Variants in HYDIN observed in about 807,000 individuals in gnomAD.
HYDIN encodes the protein axonemal central pair apparatus protein HYDIN.
A neutral mutation model predicts 403.9 loss-of-function variants in HYDIN; 132 were observed. The observed-to-expected ratio is 0.33, with a 90% confidence interval of 0.28 to 0.38. The LOEUF is 0.38. Among genes scored for constraint, HYDIN ranks in the 10% least tolerant of loss-of-function variants. The probability of loss-of-function intolerance (pLI) is 1.00; values close to 1 mark genes in which losing one functional copy is unlikely to be tolerated. For synonymous variants in HYDIN, 1,202 were observed against 1,891.7 expected (o/e 0.64, Z 9.46); for missense variants, 2,827 against 5,009.5 (o/e 0.56, Z 13.15).
At chr16:71,056,594 C>T (rs2081904786) in intron 18 of HYDIN, among the ~76,000 whole-genome samples, 1 of 152,100 alleles carries the variant, frequency 6.6e-6, no homozygotes, top group Non-Finnish European at 1.5e-5. Context: ...TGTGGCCGCA[C>T]ATGAGGCTGA....
At chr16:70,819,909 G>A (rs2036120349) in intron 83 of HYDIN, among the ~76,000 whole-genome samples, 1 of 150,812 alleles carries the variant, frequency 6.6e-6, no homozygotes. Flanking sequence ...CCGGGTTCAC[G>A]CCATTCTCCT....
chr16:71,181,318 T>A (rs756907487), intron 3 of HYDIN, among the ~76,000 whole-genome samples: 3 of 151,970 alleles, frequency 2.0e-5, no homozygotes, highest in Non-Finnish European at 4.4e-5. Context: ...GGATTTGCTA[T>A]ATCAGGTAGC....
rs112172954 is a variant in HYDIN, at chr16:70,962,366, A to G, written c.5789-228T>C. 5.3e-3 allele frequency among the ~76,000 whole-genome samples: 800 copies of G among 151,094 alleles called. 10 individuals are homozygous for G. The highest frequency in any genetic ancestry group is 0.018 in the African/African-American group (763 of 41,250). ...TAACATTTGTTTAGCAACTAAAATTATACATTTGCTTAGAAAATGTGGAAA... is the reference window on the plus strand; with the variant it reads ...TAACATTTGTTTAGCAACTAAAATTGTACATTTGCTTAGAAAATGTGGAAA... On this transcript the variant is annotated intron_variant, in intron 37 of 85. Transcript: ENST00000393567.
intron 10 of HYDIN, among the ~76,000 whole-genome samples, chr16:71,110,773 A>T (rs1238749076): frequency 7.1e-6 from 1 of 141,300 alleles, no homozygotes; most frequent in Non-Finnish European, 1.5e-5. Flanking sequence ...GAAAAAAGTG[A>T]CTGCATAGAT....
intron 1 of HYDIN, among the ~76,000 whole-genome samples, chr16:71,200,821 A>T (rs1345560660): frequency 6.6e-6 from 1 of 152,164 alleles, no homozygotes; most frequent in East Asian, 1.9e-4. Flanking sequence ...GAAACTCACT[A>T]TCATGAACAC....
chr16:70,967,208 C>T (rs1202891411), intron 36 of HYDIN, among the ~76,000 whole-genome samples: 1 of 152,188 alleles, frequency 6.6e-6, no homozygotes, highest in Non-Finnish European at 1.5e-5. Context: ...GCTGCTGGAA[C>T]ACAGCACAGA....
intron 53 of HYDIN, among the ~76,000 whole-genome samples, chr16:70,898,125 C>T (rs1187313079): frequency 6.6e-6 from 1 of 152,176 alleles, no homozygotes; most frequent in East Asian, 1.9e-4. Flanking sequence ...GCTGAGATTG[C>T]ACCACTGCAC....
chr16:71,185,479 G>C (rs545528228), intron 2 of HYDIN, among the ~76,000 whole-genome samples: 7 of 152,202 alleles, frequency 4.6e-5, no homozygotes, highest in Non-Finnish European at 1.0e-4. Flanking sequence ...TTATAAAATT[G>C]CAAAGATCTA....
At chr16:70,970,208 A>AT (rs1190141383) in intron 36 of HYDIN, among the ~76,000 whole-genome samples, 4 of 60,954 alleles carry the variant, frequency 6.6e-5, no homozygotes, top group African/African-American at 1.3e-4. Context: ...AAGTCTAAAT[A>AT]TATCAACTAA....
intron 6 of HYDIN, among the ~76,000 whole-genome samples, chr16:71,157,836 T>C (rs2085835808): frequency 7.0e-6 from 1 of 142,800 alleles, no homozygotes; most frequent in Non-Finnish European, 1.5e-5. Context: ...GTAAGCTTTT[T>C]CCACCCCTGG....
chr16:70,811,244 A>G (rs2035478163), intron 84 of HYDIN: 1 of 152,260 alleles, frequency 6.6e-6, no homozygotes, highest in Non-Finnish European at 1.5e-5. Context: ...CAGCATAGCG[A>G]GAGCCTGTTT....
intron 41 of HYDIN, among the ~76,000 whole-genome samples, chr16:70,947,662 A>G (rs1350102323): frequency 6.6e-6 from 1 of 152,164 alleles, no homozygotes; most frequent in Non-Finnish European, 1.5e-5. Flanking sequence ...TACACCAATA[A>G]CAGACAAACA....
At chr16:70,851,311 T>C (rs538268423) in intron 73 of HYDIN, among the ~76,000 whole-genome samples, 31 of 151,196 alleles carry the variant, frequency 2.1e-4, no homozygotes, top group African/African-American at 7.5e-4. Context: ...GGAGGAATTA[T>C]TCAGAAACTA....
intron 36 of HYDIN, among the ~76,000 whole-genome samples, chr16:70,966,667 G>A (rs2143967576): frequency 6.6e-6 from 1 of 151,000 alleles, no homozygotes; most frequent in Middle Eastern, 3.4e-3. Context: ...ATTTAAAATA[G>A]TCAAGTGAAG....
Position 70,976,004 on chromosome 16 carries a change from C to T in HYDIN, c.4639-735G>A, listed in dbSNP as rs973770458. On this transcript the variant is annotated intron_variant, in intron 30 of 85. Coordinates refer to ENST00000393567, the MANE Select transcript of HYDIN (RefSeq NM_001270974.2). ...ACGTAATCAACAAGAAAGGTGAAGT[C>T]CCTACTCCCAGTTTCTGTGAGAGGA... 2.5e-3 allele frequency among the ~76,000 whole-genome samples: 351 copies of T among 141,258 alleles called. 1 individual carries two copies. The highest frequency in any genetic ancestry group is 3.7e-3 in the Non-Finnish European group (240 of 64,666). The allele number at this position is 141,258 out of a possible 152,430, so 92.7% of individuals were successfully genotyped here.
In HYDIN at chr16:70,806,324, G is replaced by A. The variant is rs1363633754; in HGVS notation, c.*1256C>T. Among the ~76,000 whole-genome samples, 1 of 152,088 alleles carries A rather than the reference G, an allele frequency of 6.6e-6. No homozygotes were observed. On this transcript the variant is annotated 3_prime_UTR_variant, in exon 86 of 86. Transcript: ENST00000393567. ...CCCCTGAGGATGAGGGAGGACTATT[G>A]TAAAGGTCTGTGTTTACAGACATTC...
In HYDIN at chr16:70,829,845, G is replaced by A; in HGVS notation, c.13900-15C>T. ...AAATTCACTACCTGGAAGAAAGCAG[G>A]CACCTCATCTTCCATGGCACTTCCC... On this transcript the variant is annotated splice_polypyrimidine_tract_variant and intron_variant, in intron 80 of 85. Coordinates refer to ENST00000393567, the MANE Select transcript of HYDIN (RefSeq NM_001270974.2). 1 of 1,612,192 alleles carries A rather than the reference G, an allele frequency of 6.2e-7. No individual in the cohort carries two copies. The highest frequency in any genetic ancestry group is 1.1e-5 in the South Asian group (1 of 90,728).
intron 23 of HYDIN, among the ~76,000 whole-genome samples, chr16:71,006,785 C>G (rs908108087): frequency 6.6e-6 from 1 of 152,118 alleles, no homozygotes; most frequent in Admixed American, 6.5e-5. Flanking sequence ...CCCGCCCCAG[C>G]AGACCCCGTC....
At chr16:71,016,168 G>C (rs1015902841) in intron 23 of HYDIN, among the ~76,000 whole-genome samples, 1 of 152,186 alleles carries the variant, frequency 6.6e-6, no homozygotes, top group Admixed American at 6.5e-5. Flanking sequence ...GCAAAGGAAA[G>C]AATAGAGTGA....
Sources: allele counts gnomAD v4.1 joint callset (sites outside exome capture counted in the v4.1 genomes callset), GRCh38; gene constraint gnomAD v4.1.1; transcripts MANE v1.5; gene names NCBI Gene and HGNC (gene_info 2026-07-23, HGNC 2026-07-21).